PKHD1: variants seen among roughly 807,000 people sequenced by gnomAD.
PKHD1 encodes the protein PKHD1 ciliary IPT domain containing fibrocystin/polyductin.
In PKHD1, 291 loss-of-function variants were observed where a neutral mutation model predicts 412.0. The observed-to-expected ratio is 0.71, with a 90% CI of 0.64 to 0.78. The LOEUF is 0.78. PKHD1 is among the 30% of genes least tolerant of loss of function. The probability of loss-of-function intolerance (pLI) is 0.00; values close to 1 mark genes in which losing one functional copy is unlikely to be tolerated. For synonymous variants in PKHD1, 1,777 were observed against 1,821.5 expected (o/e 0.98, Z 0.62); for missense variants, 4,825 against 4,950.7 (o/e 0.97, Z 0.76).
At chr6:51,725,752 G>C (rs547004704) in intron 60 of PKHD1, among the ~76,000 whole-genome samples, 3 of 152,262 alleles carry the variant, frequency 2.0e-5, no homozygotes, top group African/African-American at 7.2e-5. Flanking sequence ...GTATTGCCGA[G>C]AGCTTCAAAC....
intron 60 of PKHD1, among the ~76,000 whole-genome samples, chr6:51,664,575 A>G (rs1773407060): frequency 6.6e-6 from 1 of 152,166 alleles, no homozygotes; most frequent in South Asian, 2.1e-4. Context: ...ATAAACATTT[A>G]TTTGGATTCC....
chr6:51,702,295 T>C (rs369677514), intron 60 of PKHD1, among the ~76,000 whole-genome samples: 2 of 147,718 alleles, frequency 1.4e-5, no homozygotes, highest in East Asian at 2.0e-4. Context: ...CTGGATGGAA[T>C]TGGAGACTAT....
In PKHD1 at chr6:52,056,789, C is replaced by G. The variant is rs774972214; in HGVS notation, c.1603-1G>C. 1.2e-6 allele frequency: 2 copies of G among 1,611,476 alleles called. No individual in the cohort carries two copies. Among genetic ancestry groups the G allele is most frequent in the Non-Finnish European group, 1.7e-6 (2 of 1,177,638 alleles). On this transcript the variant is annotated splice_acceptor_variant, in intron 17 of 66. Coordinates refer to ENST00000371117, the MANE Select transcript of PKHD1 (RefSeq NM_138694.4). LOFTEE classifies it high-confidence loss of function. ...GTAACTCCTCAATGGTTGTTTGAAT[C>G]TATTACAAAGGAAAAAAATGCCAGG...
rs1022867874 is a variant in PKHD1, at chr6:52,028,258, T to C, written c.3458A>G (p.His1153Arg). 6.2e-7 allele frequency: 1 copy of C among 1,614,024 alleles called. No individual in the cohort carries two copies. Among genetic ancestry groups the C allele is most frequent in the African/African-American group, 1.3e-5 (1 of 74,912 alleles). Residue 1153 changes from histidine (H) to arginine (R), a missense_variant, in exon 30 of 67, where the codon CAC becomes CGC. Coordinates refer to ENST00000371117, the MANE Select transcript of PKHD1 (RefSeq NM_138694.4). ...CTCCAGGCCCCAAGCCGACTGTGTG[T>C]GAACCGGAGCCAAGGCATCCTGGAC... Reference protein sequence around the residue: ...VHVQDALAPVHTQSAWGLEVA... With the variant: ...VHVQDALAPVRTQSAWGLEVA...
chr6:51,851,247 C>T (rs572894149), intron 49 of PKHD1, among the ~76,000 whole-genome samples: 5 of 152,048 alleles, frequency 3.3e-5, no homozygotes, highest in African/African-American at 7.2e-5. Context: ...GGGATGAAGC[C>T]GACTTGATAA....
intron 50 of PKHD1, among the ~76,000 whole-genome samples, chr6:51,840,977 G>C (rs1770082977): frequency 6.6e-6 from 1 of 152,086 alleles, no homozygotes; most frequent in African/African-American, 2.4e-5. Flanking sequence ...ATTAAGAAAA[G>C]TTAGGTTTTA....
At chr6:51,740,093 A>G (rs1278004384) in intron 60 of PKHD1, 1 of 503,510 alleles carries the variant, frequency 2.0e-6, no homozygotes, top group Non-Finnish European at 4.0e-6. Context: ...ATAAAATGTA[A>G]ATGGTTCTCA....
chr6:51,895,781 A>G (rs986998244), intron 43 of PKHD1, among the ~76,000 whole-genome samples: 6 of 152,102 alleles, frequency 3.9e-5, no homozygotes, highest in African/African-American at 1.4e-4. Context: ...AGGGAGTGCC[A>G]GACAGTGGGC....
At chr6:51,782,913 T>A (rs1384532710) in intron 53 of PKHD1, among the ~76,000 whole-genome samples, 1 of 152,152 alleles carries the variant, frequency 6.6e-6, no homozygotes, top group African/African-American at 2.4e-5. Context: ...AACTGTCAGT[T>A]TGAAAGGCAA....
At chr6:52,065,629 T>A (rs532398230) in intron 12 of PKHD1, among the ~76,000 whole-genome samples, 1 of 152,150 alleles carries the variant, frequency 6.6e-6, no homozygotes, top group Non-Finnish European at 1.5e-5. Flanking sequence ...CTTGTCTATA[T>A]CAAGACAGCT....
intron 53 of PKHD1, among the ~76,000 whole-genome samples, chr6:51,788,909 G>T (rs909865209): frequency 3.3e-5 from 5 of 152,124 alleles, no homozygotes; most frequent in African/African-American, 7.2e-5. Context: ...CACATATGTT[G>T]CAGATGAAGA....
chr6:52,064,431 AT>A (rs1809180336), intron 13 of PKHD1, among the ~76,000 whole-genome samples: 1 of 152,242 alleles, frequency 6.6e-6, no homozygotes, highest in African/African-American at 2.4e-5. Flanking sequence ...CACTTCAGGC[AT>A]AACCTGGTGG....
At chr6:51,919,468 G>A (rs1182440026) in intron 37 of PKHD1, among the ~76,000 whole-genome samples, 1 of 152,136 alleles carries the variant, frequency 6.6e-6, no homozygotes, top group Admixed American at 6.5e-5. Flanking sequence ...TGAGGGCTCT[G>A]TTCTGTTCCA....
At chr6:51,763,827 T>C (rs1367848836) in intron 55 of PKHD1, among the ~76,000 whole-genome samples, 1 of 152,082 alleles carries the variant, frequency 6.6e-6, no homozygotes, top group Admixed American at 6.6e-5. Flanking sequence ...TCCTGCTGTC[T>C]ACATTCTGCC....
At chr6:51,643,475 G>A (rs1342037099) in intron 63 of PKHD1, among the ~76,000 whole-genome samples, 2 of 152,142 alleles carry the variant, frequency 1.3e-5, no homozygotes, top group African/African-American at 4.8e-5. Context: ...AAGATAGATT[G>A]TGTAAGTAGA....
chr6:51,825,066 TA>T (rs1031447400), intron 52 of PKHD1, among the ~76,000 whole-genome samples: 4 of 152,338 alleles, frequency 2.6e-5, no homozygotes, highest in African/African-American at 4.8e-5. Flanking sequence ...AGAGTCTAAA[TA>T]AAGTCTGTCC....
chr6:51,999,977 C>T (rs1028728910), intron 35 of PKHD1, among the ~76,000 whole-genome samples: 6 of 152,116 alleles, frequency 3.9e-5, no homozygotes, highest in African/African-American at 1.4e-4. Flanking sequence ...GGGAAAGGAA[C>T]CTACTCATAG....
chr6:52,079,832 T>G (rs1811794836), intron 5 of PKHD1, 68 bp downstream of exon 5: 1 of 880,602 alleles, frequency 1.1e-6, no homozygotes, highest in Non-Finnish European at 2.0e-6. Context: ...ATTTACAATT[T>G]GCCTTTCAAT....
Position 51,724,313 on chromosome 6 carries a change from C to T in PKHD1, c.10156+20072G>A, listed in dbSNP as rs148170836. On this transcript the variant is annotated intron_variant, in intron 60 of 66. Transcript: ENST00000371117. ...AACAATTATCTAGTCTTTGAGACCA[C>T]GTACTCCCCCTAGAAATCATTTACT... Among the ~76,000 whole-genome samples, 99 of 152,244 alleles carry T rather than the reference C, an allele frequency of 6.5e-4. 1 individual carries two copies. The highest frequency in any genetic ancestry group is 8.7e-4 in the Non-Finnish European group (59 of 68,022).
Sources: gnomAD v4.1 joint callset for allele counts (sites outside exome capture counted in the v4.1 genomes callset) on GRCh38, gnomAD v4.1.1 for gene constraint, MANE v1.5 for transcripts, NCBI Gene and HGNC (gene_info 2026-07-23, HGNC 2026-07-21) for gene names.